Variants in SYT17 observed in about 807,000 individuals in gnomAD.
SYT17 encodes the protein synaptotagmin 17, also known as synaptotagmin-17.
A neutral mutation model predicts 46.7 loss-of-function variants in SYT17; 22 were observed. That is an observed-to-expected ratio of 0.47 (90% CI 0.34 to 0.67). SYT17 has a LOEUF of 0.67. Ranked by LOEUF, SYT17 falls within the 30% of genes least tolerant of loss-of-function variation. SYT17 has a pLI of 0.01. For missense variants in SYT17, 519 were observed against 612.8 expected (o/e 0.85, Z 1.62); for synonymous variants, 251 against 248.4 (o/e 1.01, Z -0.10).
intron 5 of SYT17, among the ~76,000 whole-genome samples, chr16:19,200,929 G>A (rs1965435353): frequency 6.6e-6 from 1 of 152,170 alleles, no homozygotes; most frequent in South Asian, 2.1e-4. Flanking sequence ...CAGAAGGTCG[G>A]ATCAGCTCAT....
intron 3 of SYT17, among the ~76,000 whole-genome samples, chr16:19,178,158 C>A (rs1373265616): frequency 6.6e-6 from 1 of 152,010 alleles, no homozygotes; most frequent in Non-Finnish European, 1.5e-5. Flanking sequence ...ATCTCGCTCA[C>A]TGCAAGCTCT....
chr16:19,173,873 C>T (rs1317883527), intron 3 of SYT17, among the ~76,000 whole-genome samples: 1 of 152,126 alleles, frequency 6.6e-6, no homozygotes, highest in Non-Finnish European at 1.5e-5. Context: ...TTTTTAGTCA[C>T]GTGGAGCGTG....
Position 19,188,213 on chromosome 16 carries a change from C to G in SYT17, c.951+4066C>G, listed in dbSNP as rs373487442. Among the ~76,000 whole-genome samples the G allele has an allele frequency of 5.0e-4, 76 of 152,214 alleles. 2 individuals are homozygous for G. The East Asian group carries it at 6.6e-3, about 13-fold the overall frequency. ...CATGGATGGAGCTGGAGGCCATTAT[C>G]CTCAGCAAACTAACACAGGAATGGA... On this transcript the variant is annotated intron_variant, in intron 5 of 7. Coordinates refer to ENST00000355377, the MANE Select transcript of SYT17 (RefSeq NM_016524.4).
intron 4 of SYT17, among the ~76,000 whole-genome samples, chr16:19,180,960 T>C (rs901068064): frequency 2.0e-5 from 3 of 152,106 alleles, no homozygotes; most frequent in Non-Finnish European, 4.4e-5. Flanking sequence ...CTGAGTGCAG[T>C]GACAAATGGC....
chr16:19,217,725 C>T (rs1596968658), intron 5 of SYT17, among the ~76,000 whole-genome samples: 1 of 152,308 alleles, frequency 6.6e-6, no homozygotes, highest in East Asian at 1.9e-4. Context: ...AATGGAACTG[C>T]TGGGTCATAC....
intron 5 of SYT17, among the ~76,000 whole-genome samples, chr16:19,193,443 T>C (rs904321696): frequency 1.3e-5 from 2 of 152,356 alleles, no homozygotes; most frequent in South Asian, 2.1e-4. Flanking sequence ...TTTCCGAACA[T>C]TGCTTCAACC....
rs115891395 is a variant in SYT17, at chr16:19,232,078, A to G, written c.1228+7240A>G. ...CGGCCGGGCTCCCGCCCCGGAAGAG[A>G]AATTGAGGCTGACGTCATACTTCAA... is the stretch of plus-strand genomic sequence containing the variant. On this transcript the variant is annotated intron_variant, in intron 7 of 7. Transcript: ENST00000355377. Among the ~76,000 whole-genome samples the G allele has an allele frequency of 5.9e-3, 901 of 152,220 alleles. 13 individuals carry two copies. The highest frequency in any genetic ancestry group is 0.021 in the African/African-American group (854 of 41,540).
intron 7 of SYT17, among the ~76,000 whole-genome samples, chr16:19,241,753 TG>T (rs1967144282): frequency 6.6e-6 from 1 of 151,558 alleles, no homozygotes; most frequent in Non-Finnish European, 1.5e-5. Context: ...CAGAGAGAGG[TG>T]ATGCGTGCCA....
rs572239632 is a variant in SYT17 at position 19,265,619 on chromosome 16, T to C, written c.1229-1261T>C. Among the ~76,000 whole-genome samples, 8 of 152,386 alleles carry C rather than the reference T, an allele frequency of 5.2e-5. No homozygotes were observed. The South Asian group carries it at 6.2e-4, about 12-fold the overall frequency. Reference sequence around the variant, plus strand: ...GATATTCAGCATCCCTCCTGGGATCTAGCCTGCCTTTGCTCGGCTCACGCT... The same window carrying C: ...GATATTCAGCATCCCTCCTGGGATCCAGCCTGCCTTTGCTCGGCTCACGCT... On this transcript the variant is annotated intron_variant, in intron 7 of 7. Transcript: ENST00000355377.
chr16:19,185,467 G>A (rs1964747634), intron 5 of SYT17, among the ~76,000 whole-genome samples: 1 of 152,186 alleles, frequency 6.6e-6, no homozygotes, highest in Admixed American at 6.5e-5. Flanking sequence ...GTGCACATCT[G>A]TAATTCTAGC....
intron 7 of SYT17, among the ~76,000 whole-genome samples, chr16:19,234,758 C>T (rs1966823752): frequency 6.6e-6 from 1 of 152,194 alleles, no homozygotes; most frequent in Non-Finnish European, 1.5e-5. Context: ...GGCAAATCAG[C>T]CTGTGGGCCC....
chr16:19,220,105 C>T (rs1966252903), intron 5 of SYT17, among the ~76,000 whole-genome samples: 1 of 151,998 alleles, frequency 6.6e-6, no homozygotes, highest in Non-Finnish European at 1.5e-5. Context: ...TTACTCAAGA[C>T]ACTCAGTTGA....
Position 19,173,451 on chromosome 16 carries a change from G to C in SYT17, c.55G>C (p.Gly19Arg), listed in dbSNP as rs1964186338. Residue 19 changes from glycine (G) to arginine (R), a missense_variant, in exon 3 of 8, where the codon GGT (glycine) becomes CGT (arginine). By Grantham distance (125) the Gly-to-Arg change is moderately radical (BLOSUM62 -2). Coordinates refer to ENST00000355377, the MANE Select transcript of SYT17 (RefSeq NM_016524.4). Reference protein sequence around the residue: ...LNEGFLSRISGLLLCRWTCRH... With the variant: ...LNEGFLSRISRLLLCRWTCRH... The stretch of plus-strand genomic sequence containing the variant: ...TCAGGGTTTTCTTTCTAGAATCTCT[G>C]GTCTGCTGCTGTGCAGATGGACCTG... The C allele has an allele frequency of 7.0e-7, 1 of 1,424,046 alleles. No individual in the cohort carries two copies. Among genetic ancestry groups the C allele is most frequent in the Non-Finnish European group, 9.4e-7 (1 of 1,068,140 alleles). 88.2% of individuals were successfully genotyped at this position (1,424,046 alleles called of 1,614,324 possible). A position where few individuals can be genotyped will look rare whatever the true frequency, so the allele number is the denominator to read the frequency against.
At chr16:19,257,289 C>A (rs1344188405) in intron 7 of SYT17, among the ~76,000 whole-genome samples, 1 of 150,102 alleles carries the variant, frequency 6.7e-6, no homozygotes, top group Non-Finnish European at 1.5e-5. Flanking sequence ...TTCTTAGAAC[C>A]AAAGAAATGT....
intron 5 of SYT17, among the ~76,000 whole-genome samples, chr16:19,221,069 A>T (rs1019905821): frequency 1.3e-5 from 2 of 151,916 alleles, no homozygotes; most frequent in Admixed American, 1.3e-4. Context: ...ACATGCCGTA[A>T]TCCCAGCTAT....
chr16:19,192,147 C>T (rs1032539723), intron 5 of SYT17, among the ~76,000 whole-genome samples: 3 of 152,194 alleles, frequency 2.0e-5, no homozygotes, highest in Admixed American at 6.5e-5. Context: ...TGGCCAGGCA[C>T]GGTGCCTCAC....
intron 5 of SYT17, among the ~76,000 whole-genome samples, chr16:19,185,058 G>T (rs965952192): frequency 1.3e-5 from 2 of 152,086 alleles, no homozygotes; most frequent in African/African-American, 4.8e-5. Flanking sequence ...GAAAGGAAAA[G>T]ACCCAGCCAC....
intron 5 of SYT17, among the ~76,000 whole-genome samples, chr16:19,221,535 C>T (rs756130234): frequency 6.6e-6 from 1 of 152,290 alleles, no homozygotes; most frequent in East Asian, 1.9e-4. Context: ...TTAGCAACTT[C>T]TGAGTTAACA....
intron 5 of SYT17, among the ~76,000 whole-genome samples, chr16:19,206,800 A>C (rs747838198): frequency 6.6e-6 from 1 of 152,180 alleles, no homozygotes; most frequent in Non-Finnish European, 1.5e-5. Flanking sequence ...TATGGGATAT[A>C]GGGCCCACCC....
Sources: gnomAD v4.1 joint callset for allele counts (sites outside exome capture counted in the v4.1 genomes callset) on GRCh38, gnomAD v4.1.1 for gene constraint, MANE v1.5 for transcripts, NCBI Gene and HGNC (gene_info 2026-07-23, HGNC 2026-07-21) for gene names.